The following NAA16 variants were observed in gnomAD, a reference collection of about 807,000 sequenced individuals.
NAA16 encodes the protein N-alpha-acetyltransferase 16, NatA auxiliary subunit.
In NAA16, 97 loss-of-function variants were observed where a neutral mutation model predicts 110.3. The ratio of observed to expected loss-of-function variants is 0.88; its 90% confidence interval spans 0.75 to 1.04. NAA16 has a LOEUF of 1.04. Among genes scored for constraint, NAA16 ranks in the 50% least tolerant of loss-of-function variants. The pLI is 0.00. For missense variants in NAA16, 1,017 were observed against 1,005.1 expected, an observed-to-expected ratio of 1.01 and a Z score of -0.16; for synonymous variants, 372 against 330.6, an observed-to-expected ratio of 1.13 and a Z score of -1.36.
chr13:41,323,991 A>G (rs1344960692), intron 5 of NAA16, among the ~76,000 whole-genome samples: 1 of 152,120 alleles, frequency 6.6e-6, no homozygotes, highest in African/African-American at 2.4e-5. Flanking sequence ...CTCTTTATGG[A>G]TACTCTAGAC....
intron 14 of NAA16, among the ~76,000 whole-genome samples, chr13:41,368,577 C>T (rs1483392051): frequency 1.3e-5 from 2 of 152,136 alleles, no homozygotes; most frequent in Non-Finnish European, 2.9e-5. Flanking sequence ...TGCATCCCTC[C>T]TTGCCCAGAC....
Position 41,311,323 on chromosome 13 carries a change from G to T in NAA16, c.-206G>T, listed in dbSNP as rs546395765. 6.8e-5 allele frequency: 39 copies of T among 569,474 alleles called. No homozygotes were observed. The highest frequency in any genetic ancestry group is 1.1e-4 in the Non-Finnish European group (37 of 326,084). 35.3% of individuals were successfully genotyped at this position (569,474 alleles called of 1,614,324 possible). On this transcript the variant is annotated 5_prime_UTR_variant, in exon 1 of 20. Coordinates refer to ENST00000379406, the MANE Select transcript of NAA16 (RefSeq NM_024561.5). ...GGCCAAAAAGCGGAGCCCAGGGGAA[G>T]CGTGTCCTGCTCAGACCGCCTTCCT...
rs763192759 is a variant in NAA16 at position 41,358,326 on chromosome 13, G to A, written c.1110G>A (p.Pro370=). Residue 370 remains proline (P), a synonymous_variant, in exon 11 of 20, where the codon CCG becomes CCA. Transcript: ENST00000379406. ...CAGAGAATGGGGAGAAGGAACCCCCGACAACACTACTCTGGGTTCAGTATT... is the reference window on the plus strand; with the variant it reads ...CAGAGAATGGGGAGAAGGAACCCCCAACAACACTACTCTGGGTTCAGTATT... ...SPYENGEKEP[P]TTLLWVQYFL... is the part of the protein sequence containing the mutation. The A allele has an allele frequency of 1.9e-5, 30 of 1,613,450 alleles. No homozygotes were observed. The highest frequency in any genetic ancestry group is 2.5e-5 in the Non-Finnish European group (29 of 1,179,684).
chr13:41,334,862 T>G (rs2042335845), intron 8 of NAA16, among the ~76,000 whole-genome samples: 1 of 151,832 alleles, frequency 6.6e-6, no homozygotes, highest in South Asian at 2.1e-4. Context: ...AAATACATTG[T>G]GCATGTGTGA....
At chr13:41,372,419 T>G (rs1441108828) in intron 16 of NAA16, 108 bp downstream of exon 16, 1 of 1,369,880 alleles carries the variant, frequency 7.3e-7, no homozygotes, top group Non-Finnish European at 9.4e-7. Context: ...CATTTTAGCC[T>G]TCTACAAAGG....
At chr13:41,337,315 A>G (rs891032892) in intron 9 of NAA16, among the ~76,000 whole-genome samples, 2 of 152,072 alleles carry the variant, frequency 1.3e-5, no homozygotes, top group Admixed American at 1.3e-4. Flanking sequence ...AGGCTGAGGT[A>G]GGCAGATCGC....
intron 1 of NAA16, among the ~76,000 whole-genome samples, chr13:41,312,495 C>T (rs576345500): frequency 6.6e-5 from 10 of 152,220 alleles, no homozygotes; most frequent in Non-Finnish European, 8.8e-5. Flanking sequence ...CCTCTGGCTA[C>T]CCTAGGTTTT....
In NAA16 at chr13:41,355,058, AT is replaced by A. The variant is rs374240564; in HGVS notation, c.1015-82del. The A allele has an allele frequency of 1.3e-5, 10 of 788,700 alleles. No homozygotes were observed. The East Asian group carries it at 2.7e-4, about 21-fold the overall frequency. 48.9% of individuals were successfully genotyped at this position (788,700 alleles called of 1,614,324 possible). A position where few individuals can be genotyped will look rare whatever the true frequency, so the allele number is the denominator to read the frequency against. On this transcript the variant is annotated intron_variant, in intron 9 of 19. Transcript: ENST00000379406. Reference sequence around the variant, plus strand: ...TTTATAGTTCTGAAATAAGCTGTATATTTTCCAAATGTAATTTAAACCATAA... The same window carrying A: ...TTTATAGTTCTGAAATAAGCTGTATATTTCCAAATGTAATTTAAACCATAA...
intron 9 of NAA16, among the ~76,000 whole-genome samples, chr13:41,350,587 C>T (rs1342252879): frequency 3.3e-5 from 5 of 149,436 alleles, no homozygotes; most frequent in Non-Finnish European, 7.4e-5. Flanking sequence ...TGAGCCACCG[C>T]GCCCTGCCAG....
chr13:41,347,233 ACAAAAAC>A (rs760203781), intron 9 of NAA16, among the ~76,000 whole-genome samples: 21 of 31,020 alleles, frequency 6.8e-4, no homozygotes, highest in South Asian at 5.2e-3. Context: ...AAAAACAAAA[ACAAAAAC>A]AAAAAAAGAA....
intron 1 of NAA16, among the ~76,000 whole-genome samples, chr13:41,315,696 A>G (rs2041790654): frequency 6.6e-6 from 1 of 152,108 alleles, no homozygotes; most frequent in Non-Finnish European, 1.5e-5. Flanking sequence ...ACACCCATGC[A>G]CTTTGGTTTC....
rs148632591 is a variant in NAA16, at chr13:41,323,177, G to A, written c.524G>A (p.Arg175Lys). 47 of 1,613,502 alleles carry A rather than the reference G, an allele frequency of 2.9e-5. No individual in the cohort carries two copies. Among genetic ancestry groups the A allele is most frequent in the Non-Finnish European group, 3.4e-5 (40 of 1,179,866 alleles). Residue 175 changes from arginine (R) to lysine (K), a missense_variant, in exon 5 of 20, where the codon AGA becomes AAA. Arg to Lys is a conservative substitution (Grantham distance 26). Transcript: ENST00000379406. Reference sequence around the variant, plus strand: ...GCCCTAAAACTGTTGGAAGAATTTAGACAAACTCAGCAAGTAAGAATTTTA... The same window carrying A: ...GCCCTAAAACTGTTGGAAGAATTTAAACAAACTCAGCAAGTAAGAATTTTA... Reference protein sequence around the residue: ...DMALKLLEEFRQTQQVPPNKI... With the variant: ...DMALKLLEEFKQTQQVPPNKI...
At position 41,372,211 on chromosome 13, in the gene NAA16, T is replaced by C; in HGVS notation, c.1956T>C (p.Asn652=). The stretch of plus-strand genomic sequence containing the variant: ...TTTCTGTTTCAAAATAGGTAGAAAA[T>C]CCATTAGAGGAAGCCGTTAAGTTCC... The part of the protein sequence containing the change: ...LIPEKLERVE[N]PLEEAVKFLI... The change falls in exon 16 of 20, where the codon AAT becomes AAC. Residue 652 remains asparagine, a synonymous_variant. Transcript: ENST00000379406. The C allele has an allele frequency of 6.4e-7, 1 of 1,553,428 alleles. No homozygotes were observed. Among genetic ancestry groups the C allele is most frequent in the Non-Finnish European group, 8.7e-7 (1 of 1,151,966 alleles).
Position 41,374,809 on chromosome 13 carries a change from A to G in NAA16, c.2367A>G (p.Leu789=), listed in dbSNP as rs771203958. 70 of 1,610,448 alleles carry G rather than the reference A, an allele frequency of 4.3e-5. No individual in the cohort carries two copies. The East Asian group carries it at 1.5e-3, about 34-fold the overall frequency. ...QEKAIAIATR[L]DETIKDKDVK... ...AAGCAATTGCTATAGCCACTAGACT[A>G]GATGAAACTATAAAAGATAAAGATG... Residue 789 remains leucine (L), a synonymous_variant, in exon 19 of 20, where the codon CTA becomes CTG. Transcript: ENST00000379406.
chr13:41,338,878 T>C (rs12585382), intron 9 of NAA16, among the ~76,000 whole-genome samples: 94,071 of 151,934 alleles, frequency 0.62, 32,219 homozygotes, highest in South Asian at 0.76. Context: ...CAGTGTGCAC[T>C]GCACCCCAGG....
Position 41,325,686 on chromosome 13 carries a change from AT to A in NAA16, c.538-4del, listed in dbSNP as rs753057104. Reference sequence around the variant, plus strand: ...ATTATACAAATAAAGTAATTTGGTCATTTTTTTTCAGGTTCCTCCAAACAAA... The same window carrying A: ...ATTATACAAATAAAGTAATTTGGTCATTTTTTTCAGGTTCCTCCAAACAAA... On this transcript the variant is annotated splice_polypyrimidine_tract_variant and intron_variant, in intron 5 of 19. Coordinates refer to ENST00000379406, the MANE Select transcript of NAA16 (RefSeq NM_024561.5). 51 of 1,527,612 alleles carry A rather than the reference AT, an allele frequency of 3.3e-5. No individual in the cohort carries two copies. Among genetic ancestry groups the A allele is most frequent in the Admixed American group, 9.8e-5 (5 of 50,908 alleles). The allele number at this position is 1,527,612 out of a possible 1,614,324, so 94.6% of individuals were successfully genotyped here.
Position 41,362,024 on chromosome 13 carries a change from A to G in NAA16, c.1411-7A>G. 3 of 1,610,180 alleles carry G rather than the reference A, an allele frequency of 1.9e-6. No homozygotes were observed. Among genetic ancestry groups the G allele is most frequent in the Non-Finnish European group, 2.5e-6 (3 of 1,178,594 alleles). ...GCTCTCTATAGTTTTGAATGCTTCC[A>G]TTTCAGGAAGGAACATCTGCCATGG... On this transcript the variant is annotated splice_region_variant and splice_polypyrimidine_tract_variant and intron_variant, in intron 12 of 19. Transcript: ENST00000379406.
intron 9 of NAA16, among the ~76,000 whole-genome samples, chr13:41,341,010 G>C (rs573554330): frequency 6.6e-6 from 1 of 152,148 alleles, no homozygotes; most frequent in African/African-American, 2.4e-5. Flanking sequence ...ATTGCACTGT[G>C]GTCTGAGAGA....
intron 10 of NAA16, among the ~76,000 whole-genome samples, chr13:41,355,520 C>T (rs1323642150): frequency 6.6e-6 from 1 of 152,182 alleles, no homozygotes; most frequent in African/African-American, 2.4e-5. Flanking sequence ...ACCTCCGCCT[C>T]CTGGGTTCAA....
Sources: gnomAD v4.1 joint callset for allele counts (sites outside exome capture counted in the v4.1 genomes callset) on GRCh38, gnomAD v4.1.1 for gene constraint, MANE v1.5 for transcripts, NCBI Gene and HGNC (gene_info 2026-07-23, HGNC 2026-07-21) for gene names.